KCNJ3: variants seen among roughly 807,000 people sequenced by gnomAD.
The protein encoded by KCNJ3 is potassium inwardly rectifying channel subfamily J member 3.
A neutral mutation model predicts 39.2 loss-of-function variants in KCNJ3; 4 were observed. That is an observed-to-expected ratio of 0.10 (90% CI 0.05 to 0.23). The LOEUF is 0.23. Ranked by LOEUF, KCNJ3 falls within the 10% of genes least tolerant of loss-of-function variation. The pLI, the probability that KCNJ3 is intolerant of heterozygous loss-of-function variation, is 1.00. For synonymous variants in KCNJ3, 230 were observed against 237.4 expected (o/e 0.97, Z 0.29); for missense variants, 276 against 634.9 (o/e 0.43, Z 6.08).
chr2:154,718,832 T>C lies in KCNJ3; in HGVS notation c.919+9013T>C, dbSNP rs144100708. ...GGAGGCTGGTATGGGTGAATTACCA[T>C]ACTAATGTGAAGTGGGTTGAAATAC... is the stretch of plus-strand genomic sequence containing the variant. On this transcript the variant is annotated intron_variant, in intron 2 of 2. Coordinates refer to ENST00000295101, the MANE Select transcript of KCNJ3 (RefSeq NM_002239.4). Among the ~76,000 whole-genome samples, 612 of 152,306 alleles carry C rather than the reference T, an allele frequency of 4.0e-3. 3 individuals carry two copies. The highest frequency in any genetic ancestry group is 0.017 in the Middle Eastern group (5 of 294).
intron 2 of KCNJ3, among the ~76,000 whole-genome samples, chr2:154,839,579 C>T (rs186306925): frequency 0.016 from 2,459 of 152,326 alleles, 37 homozygotes; most frequent in South Asian, 0.04. Context: ...TATTTCTCCA[C>T]ATCCTCTCCA....
chr2:154,779,129 T>C (rs1686389576), intron 2 of KCNJ3, among the ~76,000 whole-genome samples: 1 of 152,082 alleles, frequency 6.6e-6, no homozygotes, highest in South Asian at 2.1e-4. Context: ...TATTCTTGTG[T>C]GGTACAGGGA....
intron 2 of KCNJ3, among the ~76,000 whole-genome samples, chr2:154,762,647 A>G (rs1349842828): frequency 6.6e-6 from 1 of 151,932 alleles, no homozygotes; most frequent in Non-Finnish European, 1.5e-5. Flanking sequence ...TTGTTGGGAG[A>G]AATAAATAAA....
At chr2:154,835,682 A>G (rs992080200) in intron 2 of KCNJ3, among the ~76,000 whole-genome samples, 6 of 152,002 alleles carry the variant, frequency 3.9e-5, no homozygotes, top group East Asian at 1.9e-4. Flanking sequence ...AATTTACCCA[A>G]CCTTCCTCCT....
At chr2:154,746,640 G>A (rs199733691) in intron 2 of KCNJ3, among the ~76,000 whole-genome samples, 4 of 77,542 alleles carry the variant, frequency 5.2e-5, no homozygotes, top group African/African-American at 1.3e-4. Context: ...ATGTATATAT[G>A]TGTATATATA....
chr2:154,746,609 G>GATATATAT (rs59587484), intron 2 of KCNJ3, among the ~76,000 whole-genome samples: 1 of 143,388 alleles, frequency 7.0e-6, no homozygotes, highest in East Asian at 2.0e-4. Flanking sequence ...CGTATACACA[G>GATATATAT]ATATATATAT....
chr2:154,702,846 C>T (rs1684928716), intron 1 of KCNJ3, among the ~76,000 whole-genome samples: 1 of 151,816 alleles, frequency 6.6e-6, no homozygotes, highest in Non-Finnish European at 1.5e-5. Flanking sequence ...TGAATTTTTA[C>T]TTGAATTTTC....
At chr2:154,716,475 ATCTC>A (rs1469532177) in intron 2 of KCNJ3, among the ~76,000 whole-genome samples, 1 of 151,382 alleles carries the variant, frequency 6.6e-6, no homozygotes, top group South Asian at 2.1e-4. Flanking sequence ...AAATTATTGT[ATCTC>A]TCTATTGGCT....
chr2:154,782,696 G>A (rs1034442309), intron 2 of KCNJ3, among the ~76,000 whole-genome samples: 1 of 152,144 alleles, frequency 6.6e-6, no homozygotes, highest in Non-Finnish European at 1.5e-5. Context: ...AAAAGATTGG[G>A]AAGAGTGATA....
At chr2:154,817,175 A>G (rs1192473373) in intron 2 of KCNJ3, among the ~76,000 whole-genome samples, 2 of 152,162 alleles carry the variant, frequency 1.3e-5, no homozygotes, top group African/African-American at 4.8e-5. Context: ...CATTAATTTC[A>G]TACTTCTTTT....
chr2:154,821,931 G>A (rs1346689550), intron 2 of KCNJ3, among the ~76,000 whole-genome samples: 1 of 151,760 alleles, frequency 6.6e-6, no homozygotes, highest in Non-Finnish European at 1.5e-5. Flanking sequence ...GTGAGCCACC[G>A]CTCCCAGCCT....
In KCNJ3 at chr2:154,855,305, T is replaced by G; in HGVS notation, c.1498T>G (p.Phe500Val). 1 of 1,597,168 alleles carries G rather than the reference T, an allele frequency of 6.3e-7. No individual in the cohort carries two copies. Among genetic ancestry groups the G allele is most frequent in the Non-Finnish European group, 8.5e-7 (1 of 1,171,898 alleles). The change falls in exon 3 of 3, where the codon TTC (phenylalanine) becomes GTC (valine). Residue 500 changes from phenylalanine (F) to valine (V), a missense_variant. Coordinates refer to ENST00000295101, the MANE Select transcript of KCNJ3 (RefSeq NM_002239.4). ...AKLRKMNSDR[F>V]T Reference sequence around the variant, plus strand: ...ATTAAGAAAAATGAACTCTGATCGCTTCACATAACAAAGCACTCCCTTAGG... The same window carrying G: ...ATTAAGAAAAATGAACTCTGATCGCGTCACATAACAAAGCACTCCCTTAGG...
chr2:154,771,616 C>T (rs1686243276), intron 2 of KCNJ3, among the ~76,000 whole-genome samples: 1 of 152,106 alleles, frequency 6.6e-6, no homozygotes, highest in Admixed American at 6.5e-5. Flanking sequence ...AAAGGTAGAG[C>T]TCCTTAAACT....
chr2:154,831,682 A>C (rs1308396423), intron 2 of KCNJ3, among the ~76,000 whole-genome samples: 1 of 152,188 alleles, frequency 6.6e-6, no homozygotes, highest in East Asian at 1.9e-4. Flanking sequence ...TAAGAACAGA[A>C]AATTTATGCA....
chr2:154,852,282 T>C (rs1208752010), intron 2 of KCNJ3, among the ~76,000 whole-genome samples: 1 of 152,024 alleles, frequency 6.6e-6, no homozygotes, highest in Non-Finnish European at 1.5e-5. Context: ...GAAATACAGC[T>C]CACTTGGGAG....
intron 2 of KCNJ3, among the ~76,000 whole-genome samples, chr2:154,827,771 A>G (rs1032628581): frequency 6.6e-6 from 1 of 152,306 alleles, no homozygotes; most frequent in African/African-American, 2.4e-5. Flanking sequence ...TGTTAGCCAT[A>G]TTCACTGTAA....
chr2:154,713,331 G>C (rs1406976911), intron 2 of KCNJ3, among the ~76,000 whole-genome samples: 1 of 152,042 alleles, frequency 6.6e-6, no homozygotes. Context: ...ATTTTAGACA[G>C]CTACCACTTT....
At chr2:154,828,037 T>C (rs754935514) in intron 2 of KCNJ3, among the ~76,000 whole-genome samples, 3 of 152,188 alleles carry the variant, frequency 2.0e-5, no homozygotes, top group Non-Finnish European at 4.4e-5. Flanking sequence ...TTCATTATCT[T>C]CATATGAATT....
chr2:154,782,817 G>A (rs192861908), intron 2 of KCNJ3, among the ~76,000 whole-genome samples: 7 of 152,004 alleles, frequency 4.6e-5, no homozygotes, highest in Middle Eastern at 3.4e-3. Flanking sequence ...AAGAAGACTC[G>A]GGTTAAAATT....
Sources: gnomAD v4.1 joint callset for allele counts (sites outside exome capture counted in the v4.1 genomes callset) on GRCh38, gnomAD v4.1.1 for gene constraint, MANE v1.5 for transcripts, NCBI Gene and HGNC (gene_info 2026-07-23, HGNC 2026-07-21) for gene names.